The following SPECC1 variants were observed in gnomAD, a reference collection of about 807,000 sequenced individuals.
SPECC1 encodes the protein sperm antigen with calponin homology and coiled-coil domains 1.
SPECC1 carries 62 observed loss-of-function variants against 104.1 expected under a neutral mutation model. The observed-to-expected ratio is 0.60, with a 90% CI of 0.49 to 0.74. SPECC1 has a LOEUF of 0.74. Ranked by LOEUF, SPECC1 falls within the 30% of genes least tolerant of loss-of-function variation. The probability of loss-of-function intolerance (pLI) is 0.00; values close to 1 mark genes in which losing one functional copy is unlikely to be tolerated. For synonymous variants in SPECC1, 513 were observed against 501.6 expected (o/e 1.02, Z -0.30); for missense variants, 1,306 against 1,310.5 (o/e 1.00, Z 0.05).
At chr17:20,129,489 G>T (rs546087375) in intron 3 of SPECC1, among the ~76,000 whole-genome samples, 2 of 151,628 alleles carry the variant, frequency 1.3e-5, no homozygotes, top group Admixed American at 1.3e-4. Flanking sequence ...CGCCCAGCCA[G>T]ATTTCTTTTT....
chr17:20,155,062 ATGG>A (rs2032341702), intron 3 of SPECC1, among the ~76,000 whole-genome samples: 2 of 152,172 alleles, frequency 1.3e-5, no homozygotes, highest in African/African-American at 4.8e-5. Context: ...AGATATGTAG[ATGG>A]TATTTGAAAG....
chr17:20,222,586 A>T (rs1033172113), intron 4 of SPECC1, among the ~76,000 whole-genome samples: 1 of 152,108 alleles, frequency 6.6e-6, no homozygotes, highest in Non-Finnish European at 1.5e-5. Flanking sequence ...TGTCTTGAAA[A>T]GTTGTAGTTA....
At chr17:20,291,552 A>AT (rs1013124897) in intron 12 of SPECC1, among the ~76,000 whole-genome samples, 17 of 149,354 alleles carry the variant, frequency 1.1e-4, no homozygotes, top group South Asian at 6.4e-4. Flanking sequence ...CCAGCCCACC[A>AT]TTTTTTTTTT....
At chr17:20,216,997 G>T (rs199754931) in intron 4 of SPECC1, among the ~76,000 whole-genome samples, 7 of 150,342 alleles carry the variant, frequency 4.7e-5, no homozygotes, top group Non-Finnish European at 1.0e-4. Flanking sequence ...TTAAAAAAAA[G>T]AAAAAAAAAT....
intron 11 of SPECC1, 58 bp downstream of exon 11, chr17:20,257,665 C>A (rs1363890239): frequency 1.2e-5 from 19 of 1,591,438 alleles, no homozygotes; most frequent in Non-Finnish European, 1.6e-5. Flanking sequence ...ACCTTTTATT[C>A]TTCCTTCCGT....
At chr17:20,225,566 A>G (rs186784956) in intron 4 of SPECC1, among the ~76,000 whole-genome samples, 207 of 152,154 alleles carry the variant, frequency 1.4e-3, no homozygotes, top group African/African-American at 4.8e-3. Context: ...CAATCTCACA[A>G]TCATTGTGCT....
At chr17:20,164,612 T>C (rs980391857) in intron 3 of SPECC1, among the ~76,000 whole-genome samples, 1 of 152,228 alleles carries the variant, frequency 6.6e-6, no homozygotes, top group Non-Finnish European at 1.5e-5. Flanking sequence ...TTCTTTAACA[T>C]ATTTGGTTTG....
At chr17:20,149,006 GCCA>G (rs964406505) in intron 3 of SPECC1, among the ~76,000 whole-genome samples, 1 of 151,878 alleles carries the variant, frequency 6.6e-6, no homozygotes, top group African/African-American at 2.4e-5. Flanking sequence ...ACAGGGGTAG[GCCA>G]CCACCCCTCG....
At chr17:20,052,914 T>C (rs1191932375) in intron 1 of SPECC1, among the ~76,000 whole-genome samples, 1 of 152,184 alleles carries the variant, frequency 6.6e-6, no homozygotes. Context: ...CACACACAGT[T>C]TGTTACCTAT....
At chr17:20,156,224 G>C (rs1169531959) in intron 3 of SPECC1, 2 of 1,411,300 alleles carry the variant, frequency 1.4e-6, no homozygotes, top group Admixed American at 6.6e-5. Flanking sequence ...ACGGCCCGAG[G>C]ATCCGGAACC....
At chr17:20,177,943 C>T (rs930599065) in intron 3 of SPECC1, among the ~76,000 whole-genome samples, 2 of 152,030 alleles carry the variant, frequency 1.3e-5, no homozygotes, top group Non-Finnish European at 2.9e-5. Context: ...CTCCTGACCT[C>T]GTGATCCGCC....
chr17:20,040,533 T>C (rs1212001852), intron 1 of SPECC1, among the ~76,000 whole-genome samples: 1 of 152,206 alleles, frequency 6.6e-6, no homozygotes, highest in Non-Finnish European at 1.5e-5. Context: ...TATTCTCTTA[T>C]TTTGCTTTAT....
At chr17:20,294,395 T>C (rs1423913756) in intron 12 of SPECC1, among the ~76,000 whole-genome samples, 2 of 152,216 alleles carry the variant, frequency 1.3e-5, no homozygotes, top group Non-Finnish European at 2.9e-5. Context: ...CCTGCTTGTT[T>C]GGTGTGCTGA....
intron 1 of SPECC1, among the ~76,000 whole-genome samples, chr17:20,026,260 A>G (rs1389351934): frequency 1.3e-5 from 2 of 152,054 alleles, no homozygotes; most frequent in Admixed American, 6.6e-5. Flanking sequence ...CATGTATGCA[A>G]TGTGTAATGA....
chr17:20,266,284 A>G (rs893664641), intron 12 of SPECC1, among the ~76,000 whole-genome samples: 1 of 152,158 alleles, frequency 6.6e-6, no homozygotes. Context: ...AGCTCCAGGT[A>G]ATATTGTAGG....
At chr17:20,275,359 C>G (rs1349976770) in intron 12 of SPECC1, among the ~76,000 whole-genome samples, 1 of 152,060 alleles carries the variant, frequency 6.6e-6, no homozygotes, top group Non-Finnish European at 1.5e-5. Context: ...TCAATAAGGC[C>G]TGTTTTTGTT....
intron 4 of SPECC1, among the ~76,000 whole-genome samples, chr17:20,227,026 C>T (rs1438248738): frequency 6.6e-6 from 1 of 151,986 alleles, no homozygotes; most frequent in Non-Finnish European, 1.5e-5. Context: ...GCACTGCTCT[C>T]CCAGGGAAGC....
intron 1 of SPECC1, among the ~76,000 whole-genome samples, chr17:20,091,165 A>G (rs527315439): frequency 8.5e-5 from 13 of 152,236 alleles, no homozygotes; most frequent in African/African-American, 3.1e-4. Flanking sequence ...CTGTATGGAA[A>G]TCTGTTCTTT....
intron 7 of SPECC1, among the ~76,000 whole-genome samples, chr17:20,239,883 T>G (rs1044225088): frequency 0.011 from 177 of 16,044 alleles, no homozygotes; most frequent in East Asian, 0.11. Flanking sequence ...GCTGAGTTTT[T>G]TTTTTTTTTT....
Sources: gnomAD v4.1 joint callset for allele counts (sites outside exome capture counted in the v4.1 genomes callset) on GRCh38, gnomAD v4.1.1 for gene constraint, MANE v1.5 for transcripts, NCBI Gene and HGNC (gene_info 2026-07-23, HGNC 2026-07-21) for gene names.